Variants in PCDHA2 observed in about 807,000 individuals in gnomAD.
PCDHA2 encodes the protein protocadherin alpha 2.
Under a neutral mutation model 66.0 loss-of-function variants are expected in PCDHA2, and 58 were observed. The observed-to-expected ratio is 0.88, with a 90% CI of 0.71 to 1.09. The LOEUF (loss-of-function observed/expected upper bound fraction) is 1.09, where lower values mean the gene tolerates loss of function less well. PCDHA2 is among the 50% of genes least tolerant of loss of function. The pLI is 0.00. For missense variants in PCDHA2, 1,267 were observed against 1,242.3 expected, an observed-to-expected ratio of 1.02 and a Z score of -0.30; for synonymous variants, 634 against 554.0, an observed-to-expected ratio of 1.14 and a Z score of -2.03.
At chr5:140,900,673 A>T (rs936784929) in intron 1 of PCDHA2, among the ~76,000 whole-genome samples, 6 of 152,210 alleles carry the variant, frequency 3.9e-5, no homozygotes, top group African/African-American at 1.4e-4. Context: ...GAGTGCAGTT[A>T]TCTCTTCAAT....
chr5:140,883,242 A>C (rs1562785855), intron 1 of PCDHA2: 2 of 1,614,066 alleles, frequency 1.2e-6, no homozygotes, highest in Non-Finnish European at 1.7e-6. Context: ...GCAGTTGACA[A>C]AGGAAATATT....
chr5:140,863,403 C>A (rs1554158174), intron 1 of PCDHA2: 1 of 835,368 alleles, frequency 1.2e-6, no homozygotes, highest in South Asian at 1.3e-5. Flanking sequence ...CGGGCAAGCC[C>A]ACGCTGGTGT....
In PCDHA2 at chr5:140,848,948, G is replaced by C. The variant is rs2150426215; in HGVS notation, c.2388+51596G>C. ...CGGAATCCAGGCCGCTTGACTCTCG[G>C]TTTCCACTAGAGGGCGCGTCCGATG... On this transcript the variant is annotated intron_variant, in intron 1 of 3. Coordinates refer to ENST00000526136, the MANE Select transcript of PCDHA2 (RefSeq NM_018905.3). 8.1e-6 allele frequency: 13 copies of C among 1,607,010 alleles called. No homozygotes were observed. The African/African-American group carries it at 1.8e-4, about 22-fold the overall frequency.
intron 1 of PCDHA2, among the ~76,000 whole-genome samples, chr5:140,926,033 G>A (rs1554203080): frequency 6.6e-6 from 1 of 152,070 alleles, no homozygotes; most frequent in Non-Finnish European, 1.5e-5. Flanking sequence ...AGTTTGATGC[G>A]GACACTATTC....
rs568789486 is a variant in PCDHA2 at position 140,896,494 on chromosome 5, C to G, written c.2389-82455C>G. 6.6e-5 allele frequency among the ~76,000 whole-genome samples: 10 copies of G among 151,966 alleles called. No individual in the cohort carries two copies. In the East Asian group the frequency reaches 1.9e-3, roughly 29 times the overall value. On this transcript the variant is annotated intron_variant, in intron 1 of 3. Coordinates refer to ENST00000526136, the MANE Select transcript of PCDHA2 (RefSeq NM_018905.3). The stretch of plus-strand genomic sequence containing the variant: ...TCTCCTGCCTCAGCCTCCTGAGTAG[C>G]TGGGACTGTGCAGGCACACACCACA...
intron 1 of PCDHA2, chr5:140,865,859 A>T (rs1328083716): frequency 1.3e-5 from 2 of 152,318 alleles, no homozygotes; most frequent in East Asian, 3.9e-4. Context: ...CTGCTCAAAC[A>T]TGGTCTCGGC....
intron 1 of PCDHA2, among the ~76,000 whole-genome samples, chr5:140,947,198 TA>T (rs1554218091): frequency 1.3e-5 from 2 of 151,312 alleles, no homozygotes; most frequent in African/African-American, 4.8e-5. Flanking sequence ...TACACAGCCT[TA>T]AAAAAAGAAA....
intron 3 of PCDHA2, chr5:140,989,054 A>G (rs1481333744): frequency 6.6e-6 from 1 of 152,214 alleles, no homozygotes; most frequent in African/African-American, 2.4e-5. Flanking sequence ...TGCCAGCTAC[A>G]TTGAGGCAAT....
At chr5:140,967,481 G>C (rs1554229603) in intron 1 of PCDHA2, 2 of 1,613,426 alleles carry the variant, frequency 1.2e-6, no homozygotes, top group Admixed American at 1.7e-5. Flanking sequence ...AGCCCGCTCG[G>C]GTACGGCACA....
At chr5:140,901,022 A>G (rs2068415143) in intron 1 of PCDHA2, among the ~76,000 whole-genome samples, 1 of 152,166 alleles carries the variant, frequency 6.6e-6, no homozygotes, top group Non-Finnish European at 1.5e-5. Flanking sequence ...AGAAACATCT[A>G]TTCAACTCTT....
intron 1 of PCDHA2, chr5:140,823,237 C>T: frequency 6.2e-7 from 1 of 1,613,560 alleles, no homozygotes; most frequent in Non-Finnish European, 8.5e-7. Flanking sequence ...GGAGAACGCC[C>T]TGGTGTCCTA....
At chr5:140,966,914 G>A in intron 1 of PCDHA2, 1 of 1,602,270 alleles carries the variant, frequency 6.2e-7, no homozygotes, top group Non-Finnish European at 8.5e-7. Context: ...CTCTGTGCCA[G>A]AGGAGCAGGC....
intron 1 of PCDHA2, chr5:140,854,181 AGTT>A: frequency 2.3e-6 from 1 of 434,280 alleles, no homozygotes; most frequent in Non-Finnish European, 3.0e-6. Context: ...AAAAAAGAGT[AGTT>A]TAACTACTCC....
intron 1 of PCDHA2, chr5:140,835,675 G>T (rs2150241595): frequency 2.5e-6 from 4 of 1,613,918 alleles, no homozygotes; most frequent in Non-Finnish European, 3.4e-6. Flanking sequence ...CGGGACGGGG[G>T]CTCGCCTTCT....
At chr5:140,822,326 A>C in intron 1 of PCDHA2, 2 of 1,614,186 alleles carry the variant, frequency 1.2e-6, no homozygotes, top group East Asian at 2.2e-5. Context: ...GTTAAAACAA[A>C]TGAAGAAGAA....
At chr5:140,807,116 C>G (rs1411901761) in intron 1 of PCDHA2, 1 of 1,524,432 alleles carries the variant, frequency 6.6e-7, no homozygotes, top group Non-Finnish European at 8.9e-7. Flanking sequence ...CTGCACTTGA[C>G]TGACCGATTA....
intron 3 of PCDHA2, among the ~76,000 whole-genome samples, chr5:141,004,974 G>T (rs557503446): frequency 6.6e-6 from 1 of 152,302 alleles, no homozygotes; most frequent in South Asian, 2.1e-4. Context: ...CTGTAAATTT[G>T]CAGTATCATT....
rs1554254172 is a variant in PCDHA2, at chr5:140,994,436, C to G, written c.2536+11873C>G. On this transcript the variant is annotated intron_variant, in intron 3 of 3. Coordinates refer to ENST00000526136, the MANE Select transcript of PCDHA2 (RefSeq NM_018905.3). ...TGGATATTGAGGCCGGGCGCAGTGG[C>G]TCACACCTGTGATCCCAGCACTTTG... 1.3e-5 allele frequency among the ~76,000 whole-genome samples: 2 copies of G among 152,164 alleles called. 1 individual carries two copies. Among genetic ancestry groups the G allele is most frequent in the African/African-American group, 4.8e-5 (2 of 41,432 alleles).
chr5:140,968,506 G>T (rs781902536), intron 1 of PCDHA2: 2 of 1,614,176 alleles, frequency 1.2e-6, no homozygotes, highest in South Asian at 2.2e-5. Context: ...CTCACATTCT[G>T]TACCCTACCT....
Sources: gnomAD v4.1 joint callset for allele counts (sites outside exome capture counted in the v4.1 genomes callset) on GRCh38, gnomAD v4.1.1 for gene constraint, MANE v1.5 for transcripts, NCBI Gene and HGNC (gene_info 2026-07-23, HGNC 2026-07-21) for gene names.